The following VTI1A variants were observed in gnomAD, a reference collection of about 807,000 sequenced individuals.
VTI1A encodes vesicle transport through interaction with t-SNAREs homolog 1A.
A neutral mutation model predicts 34.9 loss-of-function variants in VTI1A; 22 were observed. The observed-to-expected ratio is 0.63, with a 90% CI of 0.45 to 0.90. VTI1A has a LOEUF of 0.90. Ranked by LOEUF, VTI1A falls within the 40% of genes least tolerant of loss-of-function variation. The probability of loss-of-function intolerance (pLI) is 0.00; values close to 1 mark genes in which losing one functional copy is unlikely to be tolerated. For missense variants in VTI1A, 268 were observed against 275.6 expected (o/e 0.97, Z 0.20); for synonymous variants, 87 against 97.3 (o/e 0.89, Z 0.62).
chr10:112,797,818 A>G (rs1390314666), intron 7 of VTI1A, among the ~76,000 whole-genome samples: 2 of 152,242 alleles, frequency 1.3e-5, no homozygotes. Flanking sequence ...TATTTACAAA[A>G]GAAGTAACGG....
chr10:112,572,879 A>G (rs768320841), intron 5 of VTI1A, among the ~76,000 whole-genome samples: 12 of 151,326 alleles, frequency 7.9e-5, no homozygotes, highest in Admixed American at 2.0e-4. Flanking sequence ...TCTCTTCTTC[A>G]GGAAACCATG....
chr10:112,733,341 T>C (rs1467602871), intron 7 of VTI1A, among the ~76,000 whole-genome samples: 1 of 152,112 alleles, frequency 6.6e-6, no homozygotes, highest in African/African-American at 2.4e-5. Flanking sequence ...TCCAAAACAT[T>C]TTCACCACCC....
At position 112,603,516 on chromosome 10, in the gene VTI1A, G is replaced by A. The variant is rs545178265; in HGVS notation, c.428-64702G>A. Among the ~76,000 whole-genome samples, 19 of 152,168 alleles carry A rather than the reference G, an allele frequency of 1.2e-4. No individual in the cohort carries two copies. In the South Asian group the frequency reaches 3.9e-3, roughly 32 times the overall value. ...AACCATTTCAGTAGTAATAGTAATA[G>A]TGATTTCCTTAGTTGTCATGATTTT... is the stretch of plus-strand genomic sequence containing the variant. On this transcript the variant is annotated intron_variant, in intron 5 of 7. Transcript: ENST00000393077.
intron 5 of VTI1A, among the ~76,000 whole-genome samples, chr10:112,617,926 G>A (rs1397713221): frequency 6.6e-6 from 1 of 152,096 alleles, no homozygotes; most frequent in Non-Finnish European, 1.5e-5. Context: ...AGGCCGAGGT[G>A]GCTGGATTAC....
intron 2 of VTI1A, 74 bp from the exon 3 acceptor site, chr10:112,464,473 C>G: frequency 1.5e-6 from 2 of 1,345,022 alleles, no homozygotes; most frequent in Non-Finnish European, 2.1e-6. Context: ...GAATTAGATC[C>G]TTTCAGCCGT....
intron 5 of VTI1A, among the ~76,000 whole-genome samples, chr10:112,655,363 A>G (rs1847193976): frequency 6.6e-6 from 1 of 152,140 alleles, no homozygotes; most frequent in Non-Finnish European, 1.5e-5. Context: ...AGGTGTGTGT[A>G]TATGTGGTGG....
At chr10:112,736,703 T>C in intron 7 of VTI1A, 2 of 1,551,764 alleles carry the variant, frequency 1.3e-6, no homozygotes, top group South Asian at 1.2e-5. Context: ...TACATAAGGA[T>C]TTCTCTTCAC....
chr10:112,675,200 C>T (rs1276371869), intron 7 of VTI1A, among the ~76,000 whole-genome samples: 2 of 152,122 alleles, frequency 1.3e-5, no homozygotes, highest in African/African-American at 4.8e-5. Context: ...TAGGTAGCAG[C>T]CACAGTCCTA....
intron 7 of VTI1A, among the ~76,000 whole-genome samples, chr10:112,748,358 A>G (rs933760574): frequency 6.6e-6 from 1 of 152,160 alleles, no homozygotes; most frequent in African/African-American, 2.4e-5. Context: ...AGTGTAGAAC[A>G]CTAAAAAAGC....
intron 7 of VTI1A, among the ~76,000 whole-genome samples, chr10:112,682,233 G>A (rs905959055): frequency 9.9e-5 from 15 of 152,142 alleles, no homozygotes; most frequent in African/African-American, 3.6e-4. Flanking sequence ...ATTTTATAGG[G>A]CTTTATGTAA....
chr10:112,527,706 CATAATAATA>C (rs57108083), intron 4 of VTI1A, among the ~76,000 whole-genome samples: 31 of 147,090 alleles, frequency 2.1e-4, no homozygotes, highest in South Asian at 6.5e-4. Context: ...AAATAATAGT[CATAATAATA>C]ATAATAATAA....
chr10:112,623,117 A>G (rs1278059663), intron 5 of VTI1A, among the ~76,000 whole-genome samples: 1 of 152,150 alleles, frequency 6.6e-6, no homozygotes, highest in Non-Finnish European at 1.5e-5. Flanking sequence ...ATTATGTTTG[A>G]TTGATGACTT....
chr10:112,679,187 G>A (rs1392271175), intron 7 of VTI1A, among the ~76,000 whole-genome samples: 1 of 152,052 alleles, frequency 6.6e-6, no homozygotes, highest in Non-Finnish European at 1.5e-5. Flanking sequence ...TTTGTCTGTT[G>A]TAAACAAAGT....
intron 7 of VTI1A, among the ~76,000 whole-genome samples, chr10:112,807,636 C>A (rs1393321643): frequency 6.6e-6 from 1 of 151,746 alleles, no homozygotes; most frequent in African/African-American, 2.4e-5. Flanking sequence ...GGAGGATCAC[C>A]TGAGGTCAGG....
At chr10:112,522,327 G>A (rs1850054790) in intron 3 of VTI1A, among the ~76,000 whole-genome samples, 2 of 152,004 alleles carry the variant, frequency 1.3e-5, no homozygotes, top group African/African-American at 4.8e-5. Flanking sequence ...GACCTATGGA[G>A]AAATCTATTA....
At chr10:112,623,083 A>G (rs1845790073) in intron 5 of VTI1A, among the ~76,000 whole-genome samples, 1 of 152,110 alleles carries the variant, frequency 6.6e-6, no homozygotes, top group Non-Finnish European at 1.5e-5. Context: ...CCTTTTTAGC[A>G]CTTTTGCACC....
rs138475686 is a variant in VTI1A at position 112,614,247 on chromosome 10, G to A, written c.428-53971G>A. Among the ~76,000 whole-genome samples, 908 of 152,278 alleles carry A rather than the reference G, an allele frequency of 6.0e-3. 6 individuals carry two copies. Among genetic ancestry groups the A allele is most frequent in the Middle Eastern group, 0.01 (3 of 294 alleles). ...TTCTTTAGGCCTTGTGAGGGTACAAGAGCATCAGGCATCTGGCATTATCAA... is the reference window on the plus strand; with the variant it reads ...TTCTTTAGGCCTTGTGAGGGTACAAAAGCATCAGGCATCTGGCATTATCAA... On this transcript the variant is annotated intron_variant, in intron 5 of 7. Coordinates refer to ENST00000393077, the MANE Select transcript of VTI1A (RefSeq NM_145206.4).
At chr10:112,518,456 C>G (rs1231054724) in intron 3 of VTI1A, among the ~76,000 whole-genome samples, 1 of 151,312 alleles carries the variant, frequency 6.6e-6, no homozygotes, top group Non-Finnish European at 1.5e-5. Flanking sequence ...TACCTGTAAC[C>G]CCAGCACTTT....
At chr10:112,544,599 T>TTTTC (rs1174244206) in intron 5 of VTI1A, among the ~76,000 whole-genome samples, 11 of 149,514 alleles carry the variant, frequency 7.4e-5, no homozygotes, top group Non-Finnish European at 1.3e-4. Context: ...CTGCACAACA[T>TTTTC]AGCAAGACCC....
Sources: allele counts gnomAD v4.1 joint callset (sites outside exome capture counted in the v4.1 genomes callset), GRCh38; gene constraint gnomAD v4.1.1; transcripts MANE v1.5; gene names NCBI Gene and HGNC (gene_info 2026-07-23, HGNC 2026-07-21).